The following ZNF461 variants were observed in gnomAD, a reference collection of about 807,000 sequenced individuals.
ZNF461 encodes the protein zinc finger protein 461, also known as gonadotropin-inducible ovarian transcription factor-1.
In ZNF461, 16 loss-of-function variants were observed where a neutral mutation model predicts 18.3. The ratio of observed to expected loss-of-function variants is 0.88; its 90% confidence interval spans 0.59 to 1.33. The LOEUF is 1.33. Among genes scored for constraint, ZNF461 ranks in the 40% most tolerant of loss-of-function variants. The probability of loss-of-function intolerance (pLI) is 0.00; values close to 1 mark genes in which losing one functional copy is unlikely to be tolerated. For synonymous variants in ZNF461, 179 were observed against 216.9 expected (o/e 0.83, Z 1.54); for missense variants, 595 against 669.9 (o/e 0.89, Z 1.23).
In ZNF461 at chr19:36,658,364, T is replaced by A; in HGVS notation, c.71A>T (p.Asn24Ile). ...CTTGTACAAATTCCTCTGCGCTGGGTTCAGGCATTCCCATTCCTCCTGAGA... is the reference window on the plus strand; with the variant it reads ...CTTGTACAAATTCCTCTGCGCTGGGATCAGGCATTCCCATTCCTCCTGAGA... ...DVSQEEWECL[N>I]PAQRNLYKEV... The change falls in exon 3 of 6, where the codon AAC becomes ATC. Residue 24 changes from asparagine to isoleucine, a missense_variant. Asn to Ile is a moderately radical substitution (Grantham distance 149). Coordinates refer to ENST00000588268, the MANE Select transcript of ZNF461 (RefSeq NM_153257.5). 1.2e-6 allele frequency: 2 copies of A among 1,611,790 alleles called. No homozygotes were observed. Among genetic ancestry groups the A allele is most frequent in the South Asian group, 2.2e-5 (2 of 90,694 alleles).
rs374580091 is a variant in ZNF461, at chr19:36,649,139, G to A, written c.233-5277C>T. Among the ~76,000 whole-genome samples, 5 of 151,936 alleles carry A rather than the reference G, an allele frequency of 3.3e-5. No homozygotes were observed. In the East Asian group the frequency reaches 9.6e-4, roughly 29 times the overall value. On this transcript the variant is annotated intron_variant, in intron 4 of 5. Transcript: ENST00000588268. ...AAACATAATAACGAAAATATCCAAGGTACAACTGAAAATCACTTCTCATAC... is the reference window on the plus strand; with the variant it reads ...AAACATAATAACGAAAATATCCAAGATACAACTGAAAATCACTTCTCATAC...
rs1442749711 is a variant in ZNF461 at position 36,664,804 on chromosome 19, TA to T, written c.-80-19del. The stretch of plus-strand genomic sequence containing the variant: ...AGGTGTTGCTGGGAGAGAGGGGAGT[TA>T]AAAAAAAGACAGGAGATTATTGCCT... On this transcript the variant is annotated intron_variant, in intron 1 of 5. Coordinates refer to ENST00000588268, the MANE Select transcript of ZNF461 (RefSeq NM_153257.5). 158 of 938,650 alleles carry T rather than the reference TA, an allele frequency of 1.7e-4. No individual in the cohort carries two copies. Among genetic ancestry groups the T allele is most frequent in the South Asian group, 4.0e-4 (15 of 37,664 alleles). 58.1% of individuals were successfully genotyped at this position (938,650 alleles called of 1,614,324 possible).
In ZNF461 at chr19:36,666,796, C is replaced by A. The variant is rs1221412754; in HGVS notation, c.-187G>T. 2.6e-5 allele frequency: 4 copies of A among 152,642 alleles called. No homozygotes were observed. The highest frequency in any genetic ancestry group is 9.6e-5 in the African/African-American group (4 of 41,476). The allele number at this position is 152,642 out of a possible 1,614,324, so 9.5% of individuals were successfully genotyped here. A position where few individuals can be genotyped will look rare whatever the true frequency, so the allele number is the denominator to read the frequency against. On this transcript the variant is annotated 5_prime_UTR_variant, in exon 1 of 6. Transcript: ENST00000588268. ...CACCGGCCCGGGACATCCTTACCTG[C>A]CTCTACCCGGAGACCATTCCTGCGA... is the stretch of plus-strand genomic sequence containing the variant.
In ZNF461 at chr19:36,638,855, T is replaced by A. The variant is rs141571475; in HGVS notation, c.1490A>T (p.Tyr497Phe). 6.2e-7 allele frequency: 1 copy of A among 1,613,924 alleles called. No homozygotes were observed. The highest frequency in any genetic ancestry group is 2.2e-5 in the East Asian group (1 of 44,852). Residue 497 changes from tyrosine (Y) to phenylalanine (F), a missense_variant, in exon 6 of 6, where the codon TAT becomes TTT. Tyr to Phe is a conservative substitution (Grantham distance 22). Transcript: ENST00000588268. ...HQRIHTGEKP[Y>F]ECKECGKAFS... is the part of the protein sequence containing the mutation. ...GGCCTTCCCACATTCCTTACATTCA[T>A]AGGGTTTCTCACCAGTATGAATTCT... is the stretch of plus-strand genomic sequence containing the variant.
At position 36,638,718 on chromosome 19, in the gene ZNF461, G is replaced by A. The variant is rs368658007; in HGVS notation, c.1627C>T (p.Leu543Phe). Residue 543 changes from leucine to phenylalanine, a missense_variant, in exon 6 of 6, where the codon CTT becomes TTT. Transcript: ENST00000588268. ...HRLQLNLHQT[L>F]HTGEKPVRFP... is the part of the protein sequence containing the mutation. The stretch of plus-strand genomic sequence containing the variant: ...CTGACTGGCTTCTCGCCAGTATGAA[G>A]AGTCTGATGTAAGTTAAGTTGTAAT... The A allele has an allele frequency of 8.0e-5, 129 of 1,613,828 alleles. No individual in the cohort carries two copies. In the African/African-American group the frequency reaches 1.5e-3, roughly 18 times the overall value.
rs992951527 is a variant in ZNF461 at position 36,639,624 on chromosome 19, T to G, written c.721A>C (p.Asn241His). Residue 241 changes from asparagine to histidine, a missense_variant, in exon 6 of 6, where the codon AAT becomes CAT. Coordinates refer to ENST00000588268, the MANE Select transcript of ZNF461 (RefSeq NM_153257.5). The part of the protein sequence containing the change: ...PCLFKQQTIQ[N>H]GDKCNECKEC... The stretch of plus-strand genomic sequence containing the variant: ...TTACACTCATTGCATTTGTCACCAT[T>G]TTGAATTGTCTGTTGTTTAAAAAGG... 2 of 1,613,562 alleles carry G rather than the reference T, an allele frequency of 1.2e-6. No homozygotes were observed. Among genetic ancestry groups the G allele is most frequent in the Non-Finnish European group, 1.7e-6 (2 of 1,179,720 alleles).
In ZNF461 at chr19:36,649,996, G is replaced by T. The variant is rs571446201; in HGVS notation, c.233-6134C>A. ...TTGAGACCAGCCTGACCAACATGGT[G>T]AAACCCCGTCCCTACTAAAAATACA... is the stretch of plus-strand genomic sequence containing the variant. On this transcript the variant is annotated intron_variant, in intron 4 of 5. Coordinates refer to ENST00000588268, the MANE Select transcript of ZNF461 (RefSeq NM_153257.5). 2.0e-5 allele frequency among the ~76,000 whole-genome samples: 3 copies of T among 152,112 alleles called. No individual in the cohort carries two copies. In the East Asian group the frequency reaches 5.8e-4, roughly 29 times the overall value.
chr19:36,664,919 T>C (rs1293062836), intron 1 of ZNF461, 133 bp from the exon 2 acceptor site: 1 of 380,934 alleles, frequency 2.6e-6, no homozygotes, highest in Admixed American at 4.6e-5. Flanking sequence ...ATACATAAAT[T>C]ATTAGTGGGA....
At chr19:36,644,760 A>AT (rs1363528521) in intron 4 of ZNF461, among the ~76,000 whole-genome samples, 2 of 147,228 alleles carry the variant, frequency 1.4e-5, no homozygotes, top group African/African-American at 2.5e-5. Context: ...ACATCGGCTA[A>AT]TTTTTTTTGT....
chr19:36,664,748 C>T lies in ZNF461; in HGVS notation c.-42G>A, dbSNP rs750489754. On this transcript the variant is annotated 5_prime_UTR_variant, in exon 2 of 6. Coordinates refer to ENST00000588268, the MANE Select transcript of ZNF461 (RefSeq NM_153257.5). Reference sequence around the variant, plus strand: ...GAATGTATTATTTAATCCTCTTCTTCGTTCCCTCTGGAAGAAACTCAATCC... The same window carrying T: ...GAATGTATTATTTAATCCTCTTCTTTGTTCCCTCTGGAAGAAACTCAATCC... 19 of 1,432,598 alleles carry T rather than the reference C, an allele frequency of 1.3e-5. No individual in the cohort carries two copies. Among genetic ancestry groups the T allele is most frequent in the Admixed American group, 5.5e-5 (2 of 36,564 alleles). The allele number at this position is 1,432,598 out of a possible 1,614,324, so 88.7% of individuals were successfully genotyped here.
chr19:36,641,310 A>G (rs2037418400), intron 5 of ZNF461, among the ~76,000 whole-genome samples: 1 of 152,112 alleles, frequency 6.6e-6, no homozygotes, highest in South Asian at 2.1e-4. Context: ...ACTTGAGGTC[A>G]GGCATTGGAG....
chr19:36,665,766 G>GAA lies in ZNF461; in HGVS notation c.-81+922_-81+923dup, dbSNP rs74313313. 2.8e-4 allele frequency among the ~76,000 whole-genome samples: 41 copies of GAA among 143,866 alleles called. No homozygotes were observed. The East Asian group carries it at 3.5e-3, about 12-fold the overall frequency. The allele number at this position is 143,866 out of a possible 152,430, so 94.4% of individuals were successfully genotyped here. A position where few individuals can be genotyped will look rare whatever the true frequency, so the allele number is the denominator to read the frequency against. ...CAATGTGTATTGTGGCCAAATCTCA[G>GAA]AAAAAAAAAATCAAACACATAGGTA... On this transcript the variant is annotated intron_variant, in intron 1 of 5. Coordinates refer to ENST00000588268, the MANE Select transcript of ZNF461 (RefSeq NM_153257.5).
At chr19:36,661,293 G>A (rs1470648119) in intron 2 of ZNF461, among the ~76,000 whole-genome samples, 2 of 143,686 alleles carry the variant, frequency 1.4e-5, no homozygotes, top group Non-Finnish European at 3.1e-5. Flanking sequence ...AAAAAAAAAA[G>A]AGTACCCAAT....
Position 36,658,409 on chromosome 19 carries a change from C to T in ZNF461, c.26G>A (p.Arg9Lys), listed in dbSNP as rs1202221850. MAHELVMF[R>K]DVAIDVSQEE... ...CTGAGAGACATCTATAGCCACATCT[C>T]TGAACATCACCAACTCCTAAAATGA... Residue 9 changes from arginine to lysine, a missense_variant, in exon 3 of 6, where the codon AGA becomes AAA. Coordinates refer to ENST00000588268, the MANE Select transcript of ZNF461 (RefSeq NM_153257.5). The T allele has an allele frequency of 1.2e-6, 2 of 1,609,332 alleles. No individual in the cohort carries two copies. Among genetic ancestry groups the T allele is most frequent in the Non-Finnish European group, 1.7e-6 (2 of 1,177,952 alleles).
chr19:36,666,265 T>C (rs1337436573), intron 1 of ZNF461, among the ~76,000 whole-genome samples: 1 of 151,926 alleles, frequency 6.6e-6, no homozygotes, highest in Non-Finnish European at 1.5e-5. Flanking sequence ...CGGCTAATTT[T>C]GTATTTTTAG....
At chr19:36,647,435 G>A (rs2037547849) in intron 4 of ZNF461, among the ~76,000 whole-genome samples, 1 of 152,114 alleles carries the variant, frequency 6.6e-6, no homozygotes, top group African/African-American at 2.4e-5. Flanking sequence ...AGCTACTTGG[G>A]AGGCTGAGGC....
chr19:36,666,018 G>A (rs1600455724), intron 1 of ZNF461, among the ~76,000 whole-genome samples: 1 of 152,014 alleles, frequency 6.6e-6, no homozygotes, highest in Admixed American at 6.6e-5. Context: ...CTGTGTGTGA[G>A]AGACCAGAGT....
At chr19:36,666,120 G>C (rs1432327269) in intron 1 of ZNF461, among the ~76,000 whole-genome samples, 1 of 146,992 alleles carries the variant, frequency 6.8e-6, no homozygotes, top group Non-Finnish European at 1.5e-5. Flanking sequence ...AGACAGTTTC[G>C]TTTCACTCTT....
At chr19:36,642,099 T>TAC (rs2037435367) in intron 5 of ZNF461, among the ~76,000 whole-genome samples, 1 of 152,100 alleles carries the variant, frequency 6.6e-6, no homozygotes, top group Non-Finnish European at 1.5e-5. Context: ...TGCTAATTTT[T>TAC]AAATCATTTT....
Sources: allele counts gnomAD v4.1 joint callset (sites outside exome capture counted in the v4.1 genomes callset), GRCh38; gene constraint gnomAD v4.1.1; transcripts MANE v1.5; gene names NCBI Gene and HGNC (gene_info 2026-07-23, HGNC 2026-07-21).